HYDIN: variants seen among roughly 807,000 people sequenced by gnomAD.
The protein encoded by HYDIN is HYDIN axonemal central pair apparatus protein, also known as axonemal central pair apparatus protein HYDIN.
A neutral mutation model predicts 403.9 loss-of-function variants in HYDIN; 132 were observed. That is an observed-to-expected ratio of 0.33 (90% CI 0.28 to 0.38). The LOEUF (loss-of-function observed/expected upper bound fraction) is 0.38. Ranked by LOEUF, HYDIN falls within the 10% of genes least tolerant of loss-of-function variation. HYDIN has a pLI of 1.00. For missense variants in HYDIN, 2,827 were observed against 5,009.5 expected, an observed-to-expected ratio of 0.56 and a Z score of 13.15; for synonymous variants, 1,202 against 1,891.7, an observed-to-expected ratio of 0.64 and a Z score of 9.46.
rs766021856 is a variant in HYDIN, at chr16:70,802,470, G to C, written c.*5110C>G. 1 of 152,212 alleles carries C rather than the reference G, an allele frequency of 6.6e-6. No individual in the cohort carries two copies. The highest frequency in any genetic ancestry group is 1.5e-5 in the Non-Finnish European group (1 of 68,032). 9.4% of individuals were successfully genotyped at this position (152,212 alleles called of 1,614,324 possible). On this transcript the variant is annotated 3_prime_UTR_variant, in exon 86 of 86. Coordinates refer to ENST00000393567, the MANE Select transcript of HYDIN (RefSeq NM_001270974.2). ...AAGAGATTAGAAGAAATTTGAACTG[G>C]AAGAGAGACTCTCCTGTAAGGAGTT...
chr16:70,810,946 T>G (rs1286132002), intron 84 of HYDIN, among the ~76,000 whole-genome samples: 3 of 152,206 alleles, frequency 2.0e-5, no homozygotes, highest in African/African-American at 7.2e-5. Context: ...TATGAGCTCT[T>G]TTTTGTGAAG....
intron 45 of HYDIN, among the ~76,000 whole-genome samples, chr16:70,933,196 T>G (rs958961024): frequency 5.9e-5 from 9 of 152,034 alleles, no homozygotes; most frequent in Admixed American, 2.6e-4. Flanking sequence ...AGAGCCCTAG[T>G]CTGGGACGGG....
chr16:71,227,944 C>T (rs368951235), intron 1 of HYDIN, among the ~76,000 whole-genome samples: 29 of 152,184 alleles, frequency 1.9e-4, no homozygotes, highest in African/African-American at 6.5e-4. Context: ...AACAGCATGG[C>T]ACTGGTACCA....
intron 9 of HYDIN, among the ~76,000 whole-genome samples, chr16:71,124,461 C>T (rs7201367): frequency 1.3e-5 from 2 of 151,630 alleles, no homozygotes; most frequent in African/African-American, 4.8e-5. Context: ...AATCTCCTTG[C>T]TTTAAATTGA....
chr16:71,190,800 T>C (rs1399859027), intron 1 of HYDIN, among the ~76,000 whole-genome samples: 1 of 152,156 alleles, frequency 6.6e-6, no homozygotes. Flanking sequence ...ACCACTTATG[T>C]AGTGTTATTG....
At chr16:71,038,262 C>T (rs60176756) in intron 18 of HYDIN, among the ~76,000 whole-genome samples, 469 of 152,312 alleles carry the variant, frequency 3.1e-3, no homozygotes, top group African/African-American at 0.01. Flanking sequence ...ATAACATTTG[C>T]CTTTTATTTG....
At chr16:70,916,919 C>A (rs1366451138) in intron 47 of HYDIN, among the ~76,000 whole-genome samples, 1 of 149,298 alleles carries the variant, frequency 6.7e-6, no homozygotes, top group Non-Finnish European at 1.5e-5. Context: ...CTATTCCTTC[C>A]GTCTTTCTTT....
chr16:71,080,441 C>T (rs1235311531), intron 12 of HYDIN: 1 of 151,922 alleles, frequency 6.6e-6, no homozygotes, highest in East Asian at 1.9e-4. Flanking sequence ...CATTCACTCA[C>T]TGTGATGTTG....
At chr16:70,979,379 A>G (rs1351729572) in intron 29 of HYDIN, among the ~76,000 whole-genome samples, 1 of 151,134 alleles carries the variant, frequency 6.6e-6, no homozygotes, top group East Asian at 1.9e-4. Flanking sequence ...TAGCACTTAA[A>G]CCCCTACACC....
chr16:71,197,137 A>G (rs1185216554), intron 1 of HYDIN, among the ~76,000 whole-genome samples: 1 of 152,168 alleles, frequency 6.6e-6, no homozygotes, highest in Non-Finnish European at 1.5e-5. Context: ...CTCAGCCTCC[A>G]TAATCCCACA....
At chr16:70,944,155 T>C (rs933154460) in intron 41 of HYDIN, among the ~76,000 whole-genome samples, 7 of 152,238 alleles carry the variant, frequency 4.6e-5, no homozygotes, top group Non-Finnish European at 1.0e-4. Flanking sequence ...GGAAGGTACG[T>C]TGTTTGTGTA....
At chr16:71,205,905 T>C (rs1265478962) in intron 1 of HYDIN, among the ~76,000 whole-genome samples, 1 of 152,208 alleles carries the variant, frequency 6.6e-6, no homozygotes, top group Admixed American at 6.5e-5. Flanking sequence ...CAGCCTCCTG[T>C]TGTCCTGGAG....
At chr16:70,932,838 C>T (rs2077386800) in intron 45 of HYDIN, among the ~76,000 whole-genome samples, 1 of 152,046 alleles carries the variant, frequency 6.6e-6, no homozygotes, top group Non-Finnish European at 1.5e-5. Context: ...AAAAGGAATG[C>T]TAAAACCTAT....
chr16:71,115,405 T>C (rs1224821039), intron 10 of HYDIN, among the ~76,000 whole-genome samples: 1 of 152,198 alleles, frequency 6.6e-6, no homozygotes, highest in Non-Finnish European at 1.5e-5. Flanking sequence ...CTTTATCAAT[T>C]ACCCAATCTC....
intron 9 of HYDIN, among the ~76,000 whole-genome samples, chr16:71,127,014 G>C (rs1297771077): frequency 6.6e-6 from 1 of 152,038 alleles, no homozygotes. Flanking sequence ...TAAGATTATA[G>C]TACTTTCACA....
At chr16:71,027,944 G>A in intron 19 of HYDIN, 69 bp from the exon 20 acceptor site, 1 of 545,884 alleles carries the variant, frequency 1.8e-6, no homozygotes, top group Non-Finnish European at 3.2e-6. Context: ...TACACCCTTG[G>A]GATTTACTCT....
At chr16:71,208,180 C>T (rs565323915) in intron 1 of HYDIN, among the ~76,000 whole-genome samples, 6 of 152,226 alleles carry the variant, frequency 3.9e-5, no homozygotes, top group African/African-American at 1.4e-4. Context: ...TAAAACAATC[C>T]TCAGCAAACA....
chr16:71,108,538 A>G (rs1310308884), intron 10 of HYDIN, among the ~76,000 whole-genome samples: 2 of 152,154 alleles, frequency 1.3e-5, no homozygotes, highest in African/African-American at 2.4e-5. Flanking sequence ...CGGTATGTGT[A>G]TAAGTTTCCA....
At chr16:71,175,767 C>T (rs749660770) in intron 4 of HYDIN, 26 bp from the exon 5 acceptor site, 2 of 1,612,650 alleles carry the variant, frequency 1.2e-6, no homozygotes, top group African/African-American at 2.7e-5. Context: ...TGATGATGAA[C>T]ATCGTGCATG....
Sources: allele counts gnomAD v4.1 joint callset (sites outside exome capture counted in the v4.1 genomes callset), GRCh38; gene constraint gnomAD v4.1.1; transcripts MANE v1.5; gene names NCBI Gene and HGNC (gene_info 2026-07-23, HGNC 2026-07-21).